The following ASXL1 variants were observed in gnomAD, a reference collection of about 807,000 sequenced individuals.
ASXL1 encodes the protein polycomb group protein ASXL1.
Under a neutral mutation model 89.1 loss-of-function variants are expected in ASXL1, and 65 were observed. The observed-to-expected ratio is 0.73, with a 90% confidence interval of 0.60 to 0.90. The LOEUF is 0.90. ASXL1 is among the 40% of genes least tolerant of loss of function. ASXL1 has a pLI of 0.00. For synonymous variants in ASXL1, 739 were observed against 746.9 expected, an observed-to-expected ratio of 0.99 and a Z score of 0.17; for missense variants, 1,786 against 1,942.9, an observed-to-expected ratio of 0.92 and a Z score of 1.52.
intron 8 of ASXL1, 45 bp from the exon 9 acceptor site, chr20:32,431,276 T>C (rs2011504409): frequency 6.2e-7 from 1 of 1,613,814 alleles, no homozygotes; most frequent in Non-Finnish European, 8.5e-7. Context: ...CATTTGTTTT[T>C]TCTTTTAAAA....
chr20:32,383,455 C>T (rs190475929), intron 4 of ASXL1, among the ~76,000 whole-genome samples: 8 of 151,986 alleles, frequency 5.3e-5, no homozygotes, highest in Non-Finnish European at 4.4e-5. Context: ...TATAGGCGCC[C>T]GCCACCATGC....
intron 4 of ASXL1, among the ~76,000 whole-genome samples, chr20:32,372,926 T>C (rs1204763515): frequency 6.7e-6 from 1 of 149,524 alleles, no homozygotes; most frequent in Non-Finnish European, 1.5e-5. Context: ...TGATAAATAC[T>C]GTTTATGATT....
Position 32,435,019 on chromosome 20 carries a change from CT to C in ASXL1, c.2308del (p.Ser770GlnfsTer2). 6.2e-7 allele frequency: 1 copy of C among 1,614,200 alleles called. No homozygotes were observed. The highest frequency in any genetic ancestry group is 8.5e-7 in the Non-Finnish European group (1 of 1,180,046). ...QALPLLSSQT[S>X]VAERLVEQPQ... ...CCTTGCCCCTACTGTCCTCCCAAAC[CT>C]CAGTAGCTGAGAGATTAGTGGAGCA... is the stretch of plus-strand genomic sequence containing the variant. On this transcript the variant is annotated frameshift_variant, in exon 13 of 13. Coordinates refer to ENST00000375687, the MANE Select transcript of ASXL1 (RefSeq NM_015338.6). LOFTEE classifies it low-confidence loss of function (END_TRUNC).
rs887626391 is a variant in ASXL1 at position 32,359,220 on chromosome 20, C to T, written c.57+388C>T. On this transcript the variant is annotated intron_variant, in intron 1 of 12. Transcript: ENST00000375687. ...TTGGGTTTCCGGGAAGGGTCGGAAG[C>T]TCCTCCCTCGCTTCCTGGTGGGTAA... The T allele has an allele frequency of 1.7e-5, 12 of 700,500 alleles. No homozygotes were observed. The African/African-American group carries it at 1.7e-4, about 10-fold the overall frequency. 43.4% of individuals were successfully genotyped at this position (700,500 alleles called of 1,614,324 possible). A position where few individuals can be genotyped will look rare whatever the true frequency, so the allele number is the denominator to read the frequency against.
chr20:32,359,808 T>C, intron 1 of ASXL1: 2 of 717,966 alleles, frequency 2.8e-6, no homozygotes, highest in East Asian at 2.7e-5. Context: ...TAGCTTCCTT[T>C]TGGATTACTC....
At chr20:32,384,267 T>C (rs2048540426) in intron 4 of ASXL1, among the ~76,000 whole-genome samples, 1 of 142,070 alleles carries the variant, frequency 7.0e-6, no homozygotes, top group East Asian at 2.2e-4. Flanking sequence ...AGTGCAGTGG[T>C]GTGATCTTTG....
chr20:32,379,358 TA>T (rs1429913767), intron 4 of ASXL1, among the ~76,000 whole-genome samples: 1 of 119,334 alleles, frequency 8.4e-6, no homozygotes, highest in Non-Finnish European at 1.8e-5. Flanking sequence ...CTAATTTATT[TA>T]TTTATTATTA....
chr20:32,413,123 ATTG>A (rs1225805749), intron 4 of ASXL1, among the ~76,000 whole-genome samples: 2 of 152,172 alleles, frequency 1.3e-5, no homozygotes, highest in Non-Finnish European at 1.5e-5. Flanking sequence ...TCCAGAATAT[ATTG>A]TTAAGTGGAA....
intron 4 of ASXL1, among the ~76,000 whole-genome samples, chr20:32,398,182 A>G (rs1600522758): frequency 6.6e-6 from 1 of 152,344 alleles, no homozygotes; most frequent in East Asian, 1.9e-4. Context: ...AAAAATTGAG[A>G]TGAAATTCAC....
chr20:32,429,243 T>G lies in ASXL1; in HGVS notation c.472-95T>G. 1 of 1,268,802 alleles carries G rather than the reference T, an allele frequency of 7.9e-7. No homozygotes were observed. Among genetic ancestry groups the G allele is most frequent in the Non-Finnish European group, 1.1e-6 (1 of 887,264 alleles). The allele number at this position is 1,268,802 out of a possible 1,614,324, so 78.6% of individuals were successfully genotyped here. A position where few individuals can be genotyped will look rare whatever the true frequency, so the allele number is the denominator to read the frequency against. On this transcript the variant is annotated intron_variant, in intron 6 of 12. Coordinates refer to ENST00000375687, the MANE Select transcript of ASXL1 (RefSeq NM_015338.6). The surrounding 1 kb of genome is among the most constrained non-coding windows in gnomAD (Gnocchi z 4.9). Reference sequence around the variant, plus strand: ...AGATCTGGTTGAAGACGAACTTCATTTTACAAGAGCGTGAGTAGAGATAGT... The same window carrying G: ...AGATCTGGTTGAAGACGAACTTCATGTTACAAGAGCGTGAGTAGAGATAGT...
At chr20:32,362,103 T>TA (rs1215791336) in intron 1 of ASXL1, among the ~76,000 whole-genome samples, 4 of 152,204 alleles carry the variant, frequency 2.6e-5, no homozygotes, top group South Asian at 2.1e-4. Context: ...TCTTAATGTT[T>TA]AAAAAAAGTT....
In ASXL1 at chr20:32,395,309, T is replaced by G. The variant is rs141975790; in HGVS notation, c.252+26186T>G. Among the ~76,000 whole-genome samples the G allele has an allele frequency of 5.3e-3, 807 of 152,340 alleles. 19 individuals carry two copies. Among genetic ancestry groups the G allele is most frequent in the Admixed American group, 0.036 (557 of 15,304 alleles). On this transcript the variant is annotated intron_variant, in intron 4 of 12. Transcript: ENST00000375687. ...CTAGGTTGACAGGTTTTTTTCATTG[T>G]GTACTTTAAAGATGTTGCTCCACTG...
Position 32,437,051 on chromosome 20 carries a change from C to T in ASXL1, c.4339C>T (p.Leu1447Phe). 6.2e-7 allele frequency: 1 copy of T among 1,614,186 alleles called. No homozygotes were observed. Among genetic ancestry groups the T allele is most frequent in the Non-Finnish European group, 8.5e-7 (1 of 1,180,038 alleles). ...KQAFYGKLSKLQLSSTSFNYS... is the reference protein window; with the variant it reads ...KQAFYGKLSKFQLSSTSFNYS... ...GGCATTTTATGGGAAGCTTTCTAAA[C>T]TCCAACTGAGTTCCACCAGCTTTAA... The change falls in exon 13 of 13, where the codon CTC (leucine) becomes TTC (phenylalanine). Residue 1447 changes from leucine (L) to phenylalanine (F), a missense_variant. Physicochemically the swap from Leu to Phe is conservative, Grantham distance 22. Around this residue, in one of 3 missense-constraint regions of ASXL1, gnomAD observed 1,418 missense variants for 1,427.8 expected, o/e 0.99. Coordinates refer to ENST00000375687, the MANE Select transcript of ASXL1 (RefSeq NM_015338.6).
chr20:32,430,435 G>T (rs1301418098), intron 8 of ASXL1: 1 of 258,744 alleles, frequency 3.9e-6, no homozygotes, highest in Admixed American at 5.0e-5. Flanking sequence ...TCTGTAGTCT[G>T]TATCAGACGC....
At chr20:32,419,019 G>A (rs2049191457) in intron 4 of ASXL1, among the ~76,000 whole-genome samples, 4 of 151,708 alleles carry the variant, frequency 2.6e-5, no homozygotes. Flanking sequence ...TTTTGGTAGA[G>A]ATGGGGTTTC....
chr20:32,382,019 G>A (rs1197331648), intron 4 of ASXL1, among the ~76,000 whole-genome samples: 2 of 145,290 alleles, frequency 1.4e-5, no homozygotes, highest in East Asian at 2.1e-4. Flanking sequence ...GCAATGGCGC[G>A]ATCTCAGCTA....
chr20:32,433,408 C>A lies in ASXL1; in HGVS notation c.1210C>A (p.Arg404=), dbSNP rs373145711. The A allele has an allele frequency of 6.2e-7, 1 of 1,614,096 alleles. No individual in the cohort carries two copies. Among genetic ancestry groups the A allele is most frequent in the South Asian group, 1.1e-5 (1 of 91,078 alleles). ...RIQRGPATRQ[R]DGHFKKRSRP... ...ACAGCGTGGTCCAGCCACCCGACAG[C>A]GAGATGGGCATTTTAAGAAACGCTC... Residue 404 remains arginine (R), a synonymous_variant, in exon 12 of 13, where the codon CGA becomes AGA. Transcript: ENST00000375687.
In ASXL1 at chr20:32,374,858, A is replaced by T. The variant is rs55926527; in HGVS notation, c.252+5735A>T. On this transcript the variant is annotated intron_variant, in intron 4 of 12. Coordinates refer to ENST00000375687, the MANE Select transcript of ASXL1 (RefSeq NM_015338.6). ...GGTGGTGTTAAATACATATATATATATTTTTACTTTACGTTTATTTATTTT... is the reference window on the plus strand; with the variant it reads ...GGTGGTGTTAAATACATATATATATTTTTTTACTTTACGTTTATTTATTTT... Among the ~76,000 whole-genome samples, 880 of 152,282 alleles carry T rather than the reference A, an allele frequency of 5.8e-3. 4 individuals are homozygous for T. The highest frequency in any genetic ancestry group is 9.6e-3 in the Non-Finnish European group (655 of 68,024).
At chr20:32,367,765 A>G in intron 3 of ASXL1, 36 bp downstream of exon 3, 1 of 780,670 alleles carries the variant, frequency 1.3e-6, no homozygotes, top group East Asian at 2.4e-5. Context: ...GGAATTGAGA[A>G]CCTTAACTTG....
Sources: gnomAD v4.1 joint callset for allele counts (sites outside exome capture counted in the v4.1 genomes callset) on GRCh38, gnomAD v4.1.1 for gene constraint, gnomAD v4.1.1 regional missense constraint, Gnocchi (gnomAD v3.1) non-coding constraint, MANE v1.5 for transcripts, NCBI Gene and HGNC (gene_info 2026-07-23, HGNC 2026-07-21) for gene names.